ABLIM1: variants seen among roughly 807,000 people sequenced by gnomAD.
ABLIM1 encodes actin-binding LIM protein 1.
Under a neutral mutation model 107.0 loss-of-function variants are expected in ABLIM1, and 40 were observed. That is an observed-to-expected ratio of 0.37 (90% CI 0.29 to 0.49). ABLIM1 has a LOEUF of 0.49. Among genes scored for constraint, ABLIM1 ranks in the 20% least tolerant of loss-of-function variants. The pLI is 0.97. For synonymous variants in ABLIM1, 357 were observed against 357.3 expected, an observed-to-expected ratio of 1.00 and a Z score of 0.01; for missense variants, 857 against 1,008.5, an observed-to-expected ratio of 0.85 and a Z score of 2.04.
intron 1 of ABLIM1, among the ~76,000 whole-genome samples, chr10:114,735,589 TC>T (rs1216444814): frequency 2.0e-5 from 3 of 152,036 alleles, no homozygotes; most frequent in African/African-American, 7.2e-5. Flanking sequence ...CCTGCCTCAG[TC>T]TCCTGAGTAG....
At chr10:114,502,499 A>G (rs1156814703) in intron 6 of ABLIM1, among the ~76,000 whole-genome samples, 1 of 151,788 alleles carries the variant, frequency 6.6e-6, no homozygotes, top group Non-Finnish European at 1.5e-5. Flanking sequence ...ATTTTATTTT[A>G]TTTTATTTAT....
At chr10:114,501,615 C>T (rs1176413171) in intron 6 of ABLIM1, among the ~76,000 whole-genome samples, 1 of 152,148 alleles carries the variant, frequency 6.6e-6, no homozygotes, top group Admixed American at 6.5e-5. Flanking sequence ...AAGCAAAGTA[C>T]CACTATAAAC....
chr10:114,541,092 G>C (rs1372161063), intron 6 of ABLIM1, among the ~76,000 whole-genome samples: 1 of 152,146 alleles, frequency 6.6e-6, no homozygotes, highest in African/African-American at 2.4e-5. Context: ...GCGATGTGAA[G>C]ACAAAGCCAG....
At chr10:114,796,420 G>A in the ABLIM1 span, among the ~76,000 whole-genome samples, 3 of 152,170 alleles carry the variant, frequency 2.0e-5, no homozygotes, top group Admixed American at 6.5e-5. Flanking sequence ...TCTCTCCAGG[G>A]TTGTTTGTGA....
rs185662252 is a variant in ABLIM1 at position 114,617,304 on chromosome 10, C to T, written c.245-15343G>A. On this transcript the variant is annotated intron_variant, in intron 1 of 22. Coordinates refer to ENST00000533213, the MANE Select transcript of ABLIM1 (RefSeq NM_002313.7). ...GAGATGGAGTTTTGCTCTTGTTGCC[C>T]AGGCTGGAGTGCAATGGCGCGATCT... Among the ~76,000 whole-genome samples the T allele has an allele frequency of 3.7e-3, 554 of 148,530 alleles. 3 individuals are homozygous for T. Among genetic ancestry groups the T allele is most frequent in the African/African-American group, 0.013 (528 of 40,336 alleles).
intron 5 of ABLIM1, 75 bp downstream of exon 5, chr10:114,547,575 T>C (rs2067516796): frequency 6.3e-7 from 1 of 1,586,186 alleles, no homozygotes; most frequent in Non-Finnish European, 8.6e-7. Context: ...GTGGGGCCCC[T>C]GAGACCAGGA....
chr10:114,465,861 C>A, intron 11 of ABLIM1, 34 bp from the exon 12 acceptor site: 1 of 1,611,770 alleles, frequency 6.2e-7, no homozygotes, highest in Non-Finnish European at 8.5e-7. Flanking sequence ...CAGGCTATCA[C>A]CATGCCTCAG....
At chr10:114,789,628 G>A in the ABLIM1 span, among the ~76,000 whole-genome samples, 1 of 152,164 alleles carries the variant, frequency 6.6e-6, no homozygotes, top group Non-Finnish European at 1.5e-5. Context: ...TGACTGGTGT[G>A]AGACGGTATC....
At chr10:114,794,134 G>A in the ABLIM1 span, among the ~76,000 whole-genome samples, 1 of 152,168 alleles carries the variant, frequency 6.6e-6, no homozygotes, top group African/African-American at 2.4e-5. Flanking sequence ...GACCTACTAG[G>A]TTTGGTTAAC....
At chr10:114,437,436 A>G (rs183527311) in intron 22 of ABLIM1, among the ~76,000 whole-genome samples, 1 of 151,180 alleles carries the variant, frequency 6.6e-6, no homozygotes, top group Non-Finnish European at 1.5e-5. Flanking sequence ...CTCCTGCCTC[A>G]GCCTCCCAAG....
intron 2 of ABLIM1, among the ~76,000 whole-genome samples, chr10:114,596,641 G>T (rs1227220252): frequency 6.6e-6 from 1 of 152,160 alleles, no homozygotes; most frequent in Non-Finnish European, 1.5e-5. Flanking sequence ...TCCCTACCTT[G>T]TCACAGCTAA....
At chr10:114,681,460 G>A (rs969489768) in intron 1 of ABLIM1, among the ~76,000 whole-genome samples, 1 of 152,166 alleles carries the variant, frequency 6.6e-6, no homozygotes, top group African/African-American at 2.4e-5. Context: ...CTCCCAAAGT[G>A]CTGGGATTAT....
chr10:114,567,180 A>G (rs1384144325), intron 4 of ABLIM1, among the ~76,000 whole-genome samples: 3 of 152,212 alleles, frequency 2.0e-5, no homozygotes, highest in Non-Finnish European at 4.4e-5. Flanking sequence ...CAAATGTGCC[A>G]CTGCTCCAAG....
Position 114,514,531 on chromosome 10 carries a change from T to A in ABLIM1, c.895-22653A>T, listed in dbSNP as rs572170602. ...GGGTCTACAGATGCATGTGCCACCA[T>A]ACCCAACTAATTTAAAAAAATTTTT... On this transcript the variant is annotated intron_variant, in intron 6 of 22. Transcript: ENST00000533213. Among the ~76,000 whole-genome samples, 8 of 152,032 alleles carry A rather than the reference T, an allele frequency of 5.3e-5. No homozygotes were observed. The East Asian group carries it at 1.6e-3, about 29-fold the overall frequency.
intron 13 of ABLIM1, among the ~76,000 whole-genome samples, chr10:114,451,981 G>A (rs2061985617): frequency 6.6e-6 from 1 of 152,176 alleles, no homozygotes; most frequent in African/African-American, 2.4e-5. Flanking sequence ...AACGCAAGCA[G>A]TGGAGGTACT....
At chr10:114,718,854 G>A (rs1418286887) in intron 1 of ABLIM1, among the ~76,000 whole-genome samples, 1 of 152,166 alleles carries the variant, frequency 6.6e-6, no homozygotes, top group Non-Finnish European at 1.5e-5. Flanking sequence ...TTTCATGTAT[G>A]AAATGAATAA....
At chr10:114,735,525 AG>A (rs2082161121) in intron 1 of ABLIM1, among the ~76,000 whole-genome samples, 1 of 152,174 alleles carries the variant, frequency 6.6e-6, no homozygotes, top group African/African-American at 2.4e-5. Flanking sequence ...GCTGGAGTGC[AG>A]TGGCGCGATC....
At chr10:114,473,727 T>A in intron 9 of ABLIM1, 152 bp downstream of exon 9, 1 of 579,338 alleles carries the variant, frequency 1.7e-6, no homozygotes, top group Non-Finnish European at 3.0e-6. Flanking sequence ...TAAAAGTGAT[T>A]GAGGAGACTG....
the ABLIM1 span, among the ~76,000 whole-genome samples, chr10:114,787,500 C>CCCGG: frequency 6.8e-6 from 1 of 146,686 alleles, no homozygotes; most frequent in Non-Finnish European, 1.5e-5. Flanking sequence ...AGCCCCTCTG[C>CCCGG]CCGGCCAGCC....
Sources: gnomAD v4.1 joint callset for allele counts (sites outside exome capture counted in the v4.1 genomes callset) on GRCh38, gnomAD v4.1.1 for gene constraint, MANE v1.5 for transcripts, NCBI Gene and HGNC (gene_info 2026-07-23, HGNC 2026-07-21) for gene names.